OXCT1: variants seen among roughly 807,000 people sequenced by gnomAD.
The protein encoded by OXCT1 is succinyl-CoA:3-ketoacid coenzyme A transferase 1, mitochondrial.
Under a neutral mutation model 69.6 loss-of-function variants are expected in OXCT1, and 27 were observed. The ratio of observed to expected loss-of-function variants is 0.39; its 90% CI spans 0.29 to 0.54. The LOEUF (loss-of-function observed/expected upper bound fraction) is 0.54. Ranked by LOEUF, OXCT1 falls within the 20% of genes least tolerant of loss-of-function variation. The probability of loss-of-function intolerance (pLI) is 0.72; values close to 1 mark genes in which losing one functional copy is unlikely to be tolerated. For missense variants in OXCT1, 437 were observed against 650.2 expected (o/e 0.67, Z 3.57); for synonymous variants, 202 against 217.8 (o/e 0.93, Z 0.64).
intron 7 of OXCT1, among the ~76,000 whole-genome samples, chr5:41,838,541 T>G (rs1195921610): frequency 6.6e-6 from 1 of 152,186 alleles, no homozygotes; most frequent in African/African-American, 2.4e-5. Flanking sequence ...TGTTTACTTG[T>G]GCTAATCAAT....
chr5:41,769,583 A>C (rs1053769436), intron 13 of OXCT1, among the ~76,000 whole-genome samples: 5 of 148,868 alleles, frequency 3.4e-5, no homozygotes, highest in Non-Finnish European at 5.9e-5. Flanking sequence ...AAAAAAAGTC[A>C]CTAGATGGGA....
In OXCT1 at chr5:41,862,725, C is replaced by A; in HGVS notation, c.104G>T (p.Ser35Ile). The change falls in exon 2 of 17, where the codon AGT becomes ATT. Residue 35 changes from serine to isoleucine, a missense_variant. Coordinates refer to ENST00000196371, the MANE Select transcript of OXCT1 (RefSeq NM_000436.4). ...YKGCVCSFST[S>I]AHRHTKFYTD... Reference sequence around the variant, plus strand: ...ATAAAACTTGGTATGGCGATGAGCACTGGTGGAAAAGGAACAAACACATCC... The same window carrying A: ...ATAAAACTTGGTATGGCGATGAGCAATGGTGGAAAAGGAACAAACACATCC... The A allele has an allele frequency of 1.2e-6, 2 of 1,610,254 alleles. No individual in the cohort carries two copies. The highest frequency in any genetic ancestry group is 1.7e-6 in the Non-Finnish European group (2 of 1,177,476).
At chr5:41,836,629 C>T (rs756684069) in intron 7 of OXCT1, among the ~76,000 whole-genome samples, 4 of 152,166 alleles carry the variant, frequency 2.6e-5, no homozygotes, top group South Asian at 2.1e-4. Context: ...GATCATCAGG[C>T]GTTAGTTAGA....
At chr5:41,746,006 C>T (rs1190863331) in intron 15 of OXCT1, among the ~76,000 whole-genome samples, 1 of 152,004 alleles carries the variant, frequency 6.6e-6, no homozygotes, top group African/African-American at 2.4e-5. Context: ...TCCAAAACTA[C>T]TCGAATCAAT....
chr5:41,785,439 A>G (rs1480598118), intron 13 of OXCT1, among the ~76,000 whole-genome samples: 9 of 152,358 alleles, frequency 5.9e-5, no homozygotes, highest in African/African-American at 2.2e-4. Context: ...AAAATATTGA[A>G]GAGTTTTTTT....
intron 3 of OXCT1, among the ~76,000 whole-genome samples, chr5:41,859,873 A>ATATATATATATATAT (rs1749641375): frequency 8.3e-6 from 1 of 120,656 alleles, no homozygotes; most frequent in African/African-American, 2.8e-5. Context: ...TAATATATAT[A>ATATATATATATATAT]TATATATATA....
intron 5 of OXCT1, among the ~76,000 whole-genome samples, chr5:41,848,865 T>G (rs563586786): frequency 4.6e-5 from 7 of 152,268 alleles, no homozygotes; most frequent in African/African-American, 1.4e-4. Flanking sequence ...ATTCAGGACA[T>G]AGGCATGGGC....
chr5:41,854,304 A>T (rs1485564421), intron 3 of OXCT1, among the ~76,000 whole-genome samples: 1 of 152,232 alleles, frequency 6.6e-6, no homozygotes, highest in African/African-American at 2.4e-5. Context: ...ATTTATTCTT[A>T]GAAATGGTAT....
Position 41,782,731 on chromosome 5 carries a change from C to A in OXCT1, c.1248+11272G>T, listed in dbSNP as rs73752225. On this transcript the variant is annotated intron_variant, in intron 13 of 16. Transcript: ENST00000196371. ...TCCTGATGATAGTTTTTGGATACAGCCACTTCTAAGCATATTTGAAAGAAA... is the reference window on the plus strand; with the variant it reads ...TCCTGATGATAGTTTTTGGATACAGACACTTCTAAGCATATTTGAAAGAAA... Among the ~76,000 whole-genome samples the A allele has an allele frequency of 7.8e-3, 1,183 of 152,246 alleles. 12 individuals are homozygous for A. Among genetic ancestry groups the A allele is most frequent in the African/African-American group, 0.027 (1,124 of 41,540 alleles).
At chr5:41,840,812 T>C (rs1443034540) in intron 6 of OXCT1, among the ~76,000 whole-genome samples, 1 of 152,238 alleles carries the variant, frequency 6.6e-6, no homozygotes, top group East Asian at 1.9e-4. Context: ...AAATCTATCT[T>C]ATTTGAAGTT....
In OXCT1 at chr5:41,820,137, C is replaced by A. The variant is rs547347175; in HGVS notation, c.733-12699G>T. ...GTGACATTCCCATTAAAATAAGACA[C>A]AAAATCACAAAAGAAATAGAGTCAA... On this transcript the variant is annotated intron_variant, in intron 7 of 16. Transcript: ENST00000196371. 5.9e-5 allele frequency among the ~76,000 whole-genome samples: 9 copies of A among 152,208 alleles called. No individual in the cohort carries two copies. In the East Asian group the frequency reaches 1.3e-3, roughly 23 times the overall value.
chr5:41,750,688 G>A (rs563933467), intron 14 of OXCT1, among the ~76,000 whole-genome samples: 4 of 152,154 alleles, frequency 2.6e-5, no homozygotes, highest in African/African-American at 9.6e-5. Context: ...CCCAAAACTG[G>A]TGTCAGGCTA....
intron 4 of OXCT1, among the ~76,000 whole-genome samples, chr5:41,850,808 G>C (rs188010308): frequency 1.5e-4 from 23 of 152,238 alleles, no homozygotes; most frequent in African/African-American, 5.5e-4. Flanking sequence ...TCATCTTTCC[G>C]ATGGGTGACT....
At chr5:41,776,694 A>G (rs1745139607) in intron 13 of OXCT1, among the ~76,000 whole-genome samples, 1 of 152,268 alleles carries the variant, frequency 6.6e-6, no homozygotes, top group Admixed American at 6.5e-5. Flanking sequence ...AGAACAGAGT[A>G]TGCTAGCATA....
chr5:41,860,186 A>T (rs1260893042), intron 3 of OXCT1, among the ~76,000 whole-genome samples: 2 of 152,048 alleles, frequency 1.3e-5, no homozygotes, highest in Non-Finnish European at 2.9e-5. Context: ...TCAGTTAAAC[A>T]AGGGACAGAT....
chr5:41,819,927 T>C (rs976697914), intron 7 of OXCT1, among the ~76,000 whole-genome samples: 4 of 152,108 alleles, frequency 2.6e-5, no homozygotes, highest in African/African-American at 9.7e-5. Flanking sequence ...TCTAGTCTAC[T>C]AACTACAGGC....
intron 13 of OXCT1, among the ~76,000 whole-genome samples, chr5:41,769,131 A>G (rs976821585): frequency 1.3e-5 from 2 of 152,184 alleles, no homozygotes; most frequent in African/African-American, 2.4e-5. Flanking sequence ...CTCTCACAGC[A>G]TACTTGCATA....
At chr5:41,809,531 T>G (rs1262450365) in intron 7 of OXCT1, among the ~76,000 whole-genome samples, 1 of 152,088 alleles carries the variant, frequency 6.6e-6, no homozygotes, top group Non-Finnish European at 1.5e-5. Context: ...TTATTTTTCA[T>G]GCCTAATATT....
intron 13 of OXCT1, among the ~76,000 whole-genome samples, chr5:41,786,665 A>G (rs1382310142): frequency 6.6e-6 from 1 of 152,240 alleles, no homozygotes; most frequent in African/African-American, 2.4e-5. Context: ...ATTCATTAAC[A>G]GCAGAGGAAA....
Sources: gnomAD v4.1 joint callset for allele counts (sites outside exome capture counted in the v4.1 genomes callset) on GRCh38, gnomAD v4.1.1 for gene constraint, MANE v1.5 for transcripts, NCBI Gene and HGNC (gene_info 2026-07-23, HGNC 2026-07-21) for gene names.